The following CRTAC1 variants were observed in gnomAD, a reference collection of about 807,000 sequenced individuals.
CRTAC1 encodes the protein cartilage acidic protein 1.
CRTAC1 carries 37 observed loss-of-function variants against 67.8 expected under a neutral mutation model. That is an observed-to-expected ratio of 0.55 (90% CI 0.42 to 0.72). The LOEUF is 0.72. CRTAC1 is among the 30% of genes least tolerant of loss of function. CRTAC1 has a pLI of 0.00. For missense variants in CRTAC1, 780 were observed against 931.6 expected (o/e 0.84, Z 2.12); for synonymous variants, 348 against 371.0 (o/e 0.94, Z 0.71).
At chr10:98,007,331 T>G (rs1164248439) in intron 2 of CRTAC1, among the ~76,000 whole-genome samples, 2 of 152,318 alleles carry the variant, frequency 1.3e-5, no homozygotes, top group Admixed American at 6.5e-5. Flanking sequence ...TATGTCTGTA[T>G]AGTCCACTTT....
In CRTAC1 at chr10:97,901,146, C is replaced by G. The variant is rs112032179; in HGVS notation, c.1133+357G>C. Among the ~76,000 whole-genome samples, 420 of 131,246 alleles carry G rather than the reference C, an allele frequency of 3.2e-3. 5 individuals carry two copies. The highest frequency in any genetic ancestry group is 0.012 in the African/African-American group (352 of 28,598). 86.1% of individuals were successfully genotyped at this position (131,246 alleles called of 152,430 possible). On this transcript the variant is annotated intron_variant, in intron 8 of 14. Transcript: ENST00000370597. ...GCCCCTTTTCCTGGTAGTGATTGGA[C>G]CCCGTAGCCCCTTTTCCTGGTAGTG...
rs1406678505 is a variant in CRTAC1 at position 98,030,540 on chromosome 10, G to GCGCCGC, written c.-74_-69dup. 1.8e-6 allele frequency: 2 copies of GCGCCGC among 1,125,904 alleles called. No individual in the cohort carries two copies. Among genetic ancestry groups the GCGCCGC allele is most frequent in the Admixed American group, 4.3e-5 (1 of 23,270 alleles). 69.7% of individuals were successfully genotyped at this position (1,125,904 alleles called of 1,614,324 possible). On this transcript the variant is annotated 5_prime_UTR_variant, in exon 1 of 15. Coordinates refer to ENST00000370597, the MANE Select transcript of CRTAC1 (RefSeq NM_018058.7). This position sits in a 1 kb window ranked among gnomAD's most constrained non-coding sequence, Gnocchi z 4.2. ...GCGCTCGCTGCCGCCTCTGCCGCCGGCGCCGCCGCCTGCTTGCTCCCAGCC... is the reference window on the plus strand; with the variant it reads ...GCGCTCGCTGCCGCCTCTGCCGCCGGCGCCGCCGCCGCCGCCTGCTTGCTCCCAGCC...
At chr10:97,923,951 G>T (rs934888500) in intron 3 of CRTAC1, among the ~76,000 whole-genome samples, 4 of 152,162 alleles carry the variant, frequency 2.6e-5, no homozygotes, top group Admixed American at 6.5e-5. Context: ...TCTGCCTGGG[G>T]TGTGATGAGT....
intron 2 of CRTAC1, among the ~76,000 whole-genome samples, chr10:98,003,359 A>T (rs1275492275): frequency 6.6e-6 from 1 of 152,202 alleles, no homozygotes; most frequent in African/African-American, 2.4e-5. Context: ...GAAGTCCAGC[A>T]TTGGTCCTGC....
At chr10:97,915,626 G>A (rs1040815935) in intron 5 of CRTAC1, among the ~76,000 whole-genome samples, 2 of 152,098 alleles carry the variant, frequency 1.3e-5, no homozygotes, top group African/African-American at 2.4e-5. Flanking sequence ...CCTGGGGCTC[G>A]GGGGTGGGGG....
In CRTAC1 at chr10:97,942,790, G is replaced by T. The variant is rs183344797; in HGVS notation, c.225-6424C>A. ...AAAAAGTGAAAAAAAAAAAAGGCTG[G>T]GTATGGTAGCTCATGCCTGTAATCC... On this transcript the variant is annotated intron_variant, in intron 2 of 14. Transcript: ENST00000370597. 3.3e-5 allele frequency among the ~76,000 whole-genome samples: 5 copies of T among 151,818 alleles called. No individual in the cohort carries two copies. The East Asian group carries it at 9.7e-4, about 29-fold the overall frequency.
intron 2 of CRTAC1, among the ~76,000 whole-genome samples, chr10:97,990,170 G>GTAA (rs1162161734): frequency 6.6e-6 from 1 of 152,202 alleles, no homozygotes; most frequent in Admixed American, 6.5e-5. Context: ...CAGATGTCAT[G>GTAA]TAATAACTCT....
chr10:98,003,172 T>A (rs1361587245), intron 2 of CRTAC1, among the ~76,000 whole-genome samples: 3 of 152,182 alleles, frequency 2.0e-5, no homozygotes, highest in Non-Finnish European at 4.4e-5. Flanking sequence ...GTTGCGAAAT[T>A]ACACAATAAT....
rs148417928 is a variant in CRTAC1 at position 97,969,895 on chromosome 10, C to T, written c.225-33529G>A. Among the ~76,000 whole-genome samples the T allele has an allele frequency of 3.9e-5, 6 of 152,238 alleles. No individual in the cohort carries two copies. The East Asian group carries it at 1.2e-3, about 29-fold the overall frequency. The stretch of plus-strand genomic sequence containing the variant: ...GTATCAGGGCTTTAAATACCATCTA[C>T]CCGCTGACAACTCTCAAATTTATAT... On this transcript the variant is annotated intron_variant, in intron 2 of 14. Transcript: ENST00000370597.
intron 2 of CRTAC1, among the ~76,000 whole-genome samples, chr10:97,979,950 A>G (rs975267281): frequency 2.6e-5 from 4 of 152,218 alleles, no homozygotes; most frequent in African/African-American, 9.6e-5. Context: ...TCGCTCAGTC[A>G]GAGAAGCTCC....
rs2050108470 is a variant in CRTAC1, at chr10:97,872,867, G to A, written c.1820-7153C>T. 2.0e-5 allele frequency among the ~76,000 whole-genome samples: 3 copies of A among 152,168 alleles called. No individual in the cohort carries two copies. The South Asian group carries it at 6.2e-4, about 32-fold the overall frequency. On this transcript the variant is annotated intron_variant, in intron 14 of 14. Coordinates refer to ENST00000370597, the MANE Select transcript of CRTAC1 (RefSeq NM_018058.7). ...CAGTCCCCAGATGAACTCCGCATTT[G>A]TAACTCTGAGTGATGGATGTGTCTT...
chr10:97,951,136 C>G (rs1272099481), intron 2 of CRTAC1, among the ~76,000 whole-genome samples: 1 of 152,226 alleles, frequency 6.6e-6, no homozygotes, highest in Non-Finnish European at 1.5e-5. Context: ...ACCTGCATTT[C>G]CACCTCCTCT....
chr10:97,905,112 A>T (rs2050594076), intron 6 of CRTAC1, among the ~76,000 whole-genome samples: 1 of 152,086 alleles, frequency 6.6e-6, no homozygotes, highest in Non-Finnish European at 1.5e-5. Context: ...ACTGGGGGAA[A>T]TTCTGGAGGA....
intron 12 of CRTAC1, 101 bp from the exon 13 acceptor site, chr10:97,882,929 G>T: frequency 8.4e-7 from 1 of 1,195,730 alleles, no homozygotes; most frequent in Non-Finnish European, 1.2e-6. Context: ...CCTAACCACA[G>T]TGTGAGGCAT....
chr10:97,980,347 G>A (rs1397599496), intron 2 of CRTAC1, among the ~76,000 whole-genome samples: 2 of 152,174 alleles, frequency 1.3e-5, no homozygotes, highest in African/African-American at 4.8e-5. Context: ...TTGTACATGG[G>A]CAAAGTTTGG....
At chr10:97,952,357 A>T (rs192678407) in intron 2 of CRTAC1, among the ~76,000 whole-genome samples, 2,863 of 150,490 alleles carry the variant, frequency 0.019, 38 homozygotes, top group African/African-American at 0.029. Context: ...ATCTCAAAAA[A>T]AAATAAATAA....
chr10:98,025,924 C>A (rs956159883), intron 1 of CRTAC1, among the ~76,000 whole-genome samples: 19 of 152,194 alleles, frequency 1.2e-4, no homozygotes, highest in African/African-American at 3.9e-4. Context: ...AAAGTGAAAA[C>A]CCTGAGGTGG....
In CRTAC1 at chr10:97,895,527, A is replaced by T; in HGVS notation, c.1318-114T>A. 3.2e-6 allele frequency: 3 copies of T among 940,052 alleles called. No individual in the cohort carries two copies. Among genetic ancestry groups the T allele is most frequent in the Non-Finnish European group, 4.8e-6 (3 of 631,484 alleles). 58.2% of individuals were successfully genotyped at this position (940,052 alleles called of 1,614,324 possible). On this transcript the variant is annotated intron_variant, in intron 10 of 14. Transcript: ENST00000370597. The surrounding 1 kb of genome is among the most constrained non-coding windows in gnomAD (Gnocchi z 4.2). ...GGGAGAAGAAGGAGGAAGAGAAGAA[A>T]GCAGGCAGAGGAAAAAGATAGAAAC...
chr10:97,929,773 G>A (rs575235363), intron 3 of CRTAC1, among the ~76,000 whole-genome samples: 5 of 152,292 alleles, frequency 3.3e-5, no homozygotes, highest in Admixed American at 6.5e-5. Context: ...TAACAACACC[G>A]TCACCATCAC....
Sources: allele counts gnomAD v4.1 joint callset (sites outside exome capture counted in the v4.1 genomes callset), GRCh38; gene constraint gnomAD v4.1.1; non-coding constraint Gnocchi (gnomAD v3.1); transcripts MANE v1.5; gene names NCBI Gene and HGNC (gene_info 2026-07-23, HGNC 2026-07-21).